Variants in SLIT1 observed in about 807,000 individuals in gnomAD.
SLIT1 encodes the protein slit guidance ligand 1.
In SLIT1, 66 loss-of-function variants were observed where a neutral mutation model predicts 186.1. The observed-to-expected ratio is 0.35, with a 90% CI of 0.29 to 0.44. The LOEUF (loss-of-function observed/expected upper bound fraction) is 0.44, where lower values mean the gene tolerates loss of function less well. SLIT1 is among the 20% of genes least tolerant of loss of function. The pLI is 1.00. For missense variants in SLIT1, 1,638 were observed against 2,037.4 expected (o/e 0.80, Z 3.77); for synonymous variants, 761 against 833.8 (o/e 0.91, Z 1.50).
intron 18 of SLIT1, among the ~76,000 whole-genome samples, chr10:97,045,479 A>T (rs1186209379): frequency 6.6e-6 from 1 of 152,222 alleles, no homozygotes; most frequent in African/African-American, 2.4e-5. Context: ...TATGTAAAAG[A>T]CTGGAAAGAC....
chr10:97,054,704 G>A (rs1248879480), intron 13 of SLIT1, among the ~76,000 whole-genome samples: 1 of 152,150 alleles, frequency 6.6e-6, no homozygotes, highest in East Asian at 1.9e-4. Context: ...AGAGAAGACA[G>A]AGGAACATGT....
chr10:97,079,687 G>T (rs1482698245), intron 4 of SLIT1, among the ~76,000 whole-genome samples: 1 of 152,214 alleles, frequency 6.6e-6, no homozygotes, highest in Non-Finnish European at 1.5e-5. Context: ...CAGTGAGGAG[G>T]GACTGGGGCC....
At chr10:97,166,571 G>GAGAGAA (rs1564692750) in intron 1 of SLIT1, among the ~76,000 whole-genome samples, 1 of 59,452 alleles carries the variant, frequency 1.7e-5, no homozygotes, top group African/African-American at 5.8e-5. Flanking sequence ...GAGAGAGAGA[G>GAGAGAA]AAAGAAAGAA....
chr10:97,031,498 A>C, intron 24 of SLIT1, 108 bp downstream of exon 24: 1 of 817,590 alleles, frequency 1.2e-6, no homozygotes, highest in Non-Finnish European at 2.0e-6. Flanking sequence ...GGACTCCACC[A>C]TGGCACAGCG....
In SLIT1 at chr10:97,010,855, A is replaced by T; in HGVS notation, c.3341+138T>A. The stretch of plus-strand genomic sequence containing the variant: ...AGGCTGCACAGCTGGTGACTGGCAG[A>T]GCCACGGTTAAAACCCCAGCATCCA... On this transcript the variant is annotated intron_variant, in intron 31 of 36. Transcript: ENST00000266058. This position sits in a 1 kb window ranked among gnomAD's most constrained non-coding sequence, Gnocchi z 4.8. 1.3e-6 allele frequency: 1 copy of T among 773,508 alleles called. No individual in the cohort carries two copies. The highest frequency in any genetic ancestry group is 2.1e-6 in the Non-Finnish European group (1 of 484,658). The allele number at this position is 773,508 out of a possible 1,614,324, so 47.9% of individuals were successfully genotyped here. A position where few individuals can be genotyped will look rare whatever the true frequency, so the allele number is the denominator to read the frequency against.
chr10:97,170,993 C>T (rs1020135468), intron 1 of SLIT1, among the ~76,000 whole-genome samples: 4 of 152,110 alleles, frequency 2.6e-5, no homozygotes, highest in African/African-American at 4.8e-5. Flanking sequence ...GGGACTAGAA[C>T]GTTCCTTCCT....
At chr10:97,125,213 G>A (rs1308566909) in intron 4 of SLIT1, among the ~76,000 whole-genome samples, 1 of 152,134 alleles carries the variant, frequency 6.6e-6, no homozygotes, top group African/African-American at 2.4e-5. Flanking sequence ...CTAGGAGTGG[G>A]TCCTACTGAT....
intron 4 of SLIT1, among the ~76,000 whole-genome samples, chr10:97,099,395 CA>C (rs1849326872): frequency 6.6e-6 from 1 of 152,038 alleles, no homozygotes. Flanking sequence ...AGTGGGGCTG[CA>C]GCCACCTCGG....
intron 31 of SLIT1, among the ~76,000 whole-genome samples, chr10:97,009,166 C>T (rs868420744): frequency 6.6e-6 from 1 of 152,026 alleles, no homozygotes; most frequent in South Asian, 2.1e-4. Context: ...TGTGAGCCAC[C>T]GCGCCCAGCC....
At chr10:97,048,875 GCAGGTGGACAAGTA>G in intron 14 of SLIT1, 66 bp downstream of exon 14, 1 of 1,454,786 alleles carries the variant, frequency 6.9e-7, no homozygotes, top group Non-Finnish European at 9.4e-7. Context: ...GGGCAGGTAT[GCAGGTGGACAAGTA>G]GGCCGGTGGG....
At chr10:97,064,658 G>A in intron 6 of SLIT1, 147 bp downstream of exon 6, 2 of 640,384 alleles carry the variant, frequency 3.1e-6, no homozygotes, top group Admixed American at 5.2e-5. Context: ...CCCCATGAGT[G>A]CCTGTCCTCC....
At position 97,022,491 on chromosome 10, in the gene SLIT1, C is replaced by CT. The variant is rs1215435512; in HGVS notation, c.2583-1079dup. On this transcript the variant is annotated intron_variant, in intron 25 of 36. Coordinates refer to ENST00000266058, the MANE Select transcript of SLIT1 (RefSeq NM_003061.3). This position sits in a 1 kb window ranked among gnomAD's most constrained non-coding sequence, Gnocchi z 4.2. ...CCTCAATTTTTTTGAAGGCACATTC[C>CT]TGTGTTACTGATGGGGGTGCAAAAT... Among the ~76,000 whole-genome samples, 1 of 152,126 alleles carries CT rather than the reference C, an allele frequency of 6.6e-6. No individual in the cohort carries two copies. The highest frequency in any genetic ancestry group is 1.5e-5 in the Non-Finnish European group (1 of 68,038).
intron 4 of SLIT1, among the ~76,000 whole-genome samples, chr10:97,101,595 G>A (rs928660216): frequency 2.0e-5 from 3 of 152,208 alleles, no homozygotes; most frequent in Admixed American, 1.3e-4. Flanking sequence ...GAGCAATGTC[G>A]TGTCACAGAG....
At chr10:97,168,203 C>A (rs1441686200) in intron 1 of SLIT1, among the ~76,000 whole-genome samples, 1 of 152,050 alleles carries the variant, frequency 6.6e-6, no homozygotes, top group African/African-American at 2.4e-5. Context: ...TATAAACCAA[C>A]ATAATATCCA....
At chr10:97,131,516 G>A (rs1293468848) in intron 4 of SLIT1, among the ~76,000 whole-genome samples, 1 of 152,178 alleles carries the variant, frequency 6.6e-6, no homozygotes, top group Non-Finnish European at 1.5e-5. Flanking sequence ...GCATTCACAA[G>A]CACGTATTGA....
chr10:97,034,796 A>G (rs1324200141), intron 22 of SLIT1, among the ~76,000 whole-genome samples: 2 of 151,872 alleles, frequency 1.3e-5, no homozygotes, highest in Admixed American at 1.3e-4. Context: ...TCCCTCTGCA[A>G]GCAGAGCCTG....
At chr10:97,023,802 G>C (rs1283395149) in intron 25 of SLIT1, among the ~76,000 whole-genome samples, 1 of 152,212 alleles carries the variant, frequency 6.6e-6, no homozygotes, top group African/African-American at 2.4e-5. Flanking sequence ...AATTAGCCGG[G>C]TGTGGTGGCA....
intron 1 of SLIT1, among the ~76,000 whole-genome samples, chr10:97,170,713 A>C (rs886877088): frequency 6.6e-6 from 1 of 152,250 alleles, no homozygotes; most frequent in East Asian, 1.9e-4. Context: ...CCTGAAAGGA[A>C]AACCTCGGTG....
At chr10:97,139,310 C>G (rs1370187058) in intron 4 of SLIT1, among the ~76,000 whole-genome samples, 1 of 152,184 alleles carries the variant, frequency 6.6e-6, no homozygotes, top group East Asian at 1.9e-4. Flanking sequence ...ATTCACAATC[C>G]CAGGGCCAGT....
Sources: allele counts gnomAD v4.1 joint callset (sites outside exome capture counted in the v4.1 genomes callset), GRCh38; gene constraint gnomAD v4.1.1; non-coding constraint Gnocchi (gnomAD v3.1); transcripts MANE v1.5; gene names NCBI Gene and HGNC (gene_info 2026-07-23, HGNC 2026-07-21).